Variants in IKBKE observed in about 807,000 individuals in gnomAD.
IKBKE encodes the protein inhibitor of nuclear factor kappa-B kinase subunit epsilon.
Under a neutral mutation model 92.1 loss-of-function variants are expected in IKBKE, and 45 were observed. The ratio of observed to expected loss-of-function variants is 0.49; its 90% CI spans 0.38 to 0.63. The LOEUF (loss-of-function observed/expected upper bound fraction) is 0.63, where lower values mean the gene tolerates loss of function less well. Ranked by LOEUF, IKBKE falls within the 20% of genes least tolerant of loss-of-function variation. The probability of loss-of-function intolerance (pLI) is 0.00; values close to 1 mark genes in which losing one functional copy is unlikely to be tolerated. For missense variants in IKBKE, 700 were observed against 932.8 expected (o/e 0.75, Z 3.25); for synonymous variants, 374 against 380.3 (o/e 0.98, Z 0.19).
rs145929084 is a variant in IKBKE at position 206,493,399 on chromosome 1, G to C, written c.2045+21G>C. ...CTCCAGTAAGTGCTGGGGAGAAAGC[G>C]GTTGTGTATCTGTGTGGAAGGGGGT... On this transcript the variant is annotated intron_variant, in intron 20 of 21. Coordinates refer to ENST00000581977, the MANE Select transcript of IKBKE (RefSeq NM_014002.4). The C allele has an allele frequency of 2.8e-4, 439 of 1,565,718 alleles. 4 individuals are homozygous for C. The East Asian group carries it at 6.7e-3, about 24-fold the overall frequency.
chr1:206,495,340 G>A (rs992079597), intron 21 of IKBKE, among the ~76,000 whole-genome samples: 2 of 152,166 alleles, frequency 1.3e-5, no homozygotes, highest in Admixed American at 6.5e-5. Context: ...TCTACCTCAT[G>A]GTGTTGACAT....
Position 206,476,951 on chromosome 1 carries a change from T to C in IKBKE, c.701+113T>C, listed in dbSNP as rs530996475. 203 of 1,155,948 alleles carry C rather than the reference T, an allele frequency of 1.8e-4. 3 individuals carry two copies. In the South Asian group the frequency reaches 2.8e-3, roughly 16 times the overall value. The allele number at this position is 1,155,948 out of a possible 1,614,324, so 71.6% of individuals were successfully genotyped here. A position where few individuals can be genotyped will look rare whatever the true frequency, so the allele number is the denominator to read the frequency against. On this transcript the variant is annotated intron_variant, in intron 7 of 21. Transcript: ENST00000581977. The surrounding 1 kb of genome is among the most constrained non-coding windows in gnomAD (Gnocchi z 5.1). The stretch of plus-strand genomic sequence containing the variant: ...CTCACACTCCATGGCCCTCCTCTGG[T>C]CCACCCCCCAACCCAGGCTCTTTGT...
chr1:206,491,875 A>T (rs1572266716), intron 18 of IKBKE, 126 bp downstream of exon 18: 1 of 675,346 alleles, frequency 1.5e-6, no homozygotes, highest in East Asian at 2.9e-5. Flanking sequence ...TGAGCAGAGG[A>T]GTGGTTTTCT....
At chr1:206,491,774 G>A (rs1553390478) in intron 18 of IKBKE, 25 bp downstream of exon 18, 1 of 1,569,876 alleles carries the variant, frequency 6.4e-7, no homozygotes, top group South Asian at 1.1e-5. Context: ...TGAGCTCCTG[G>A]AGCCCAGGGC....
At chr1:206,475,614 G>A (rs1180168468) in intron 5 of IKBKE, among the ~76,000 whole-genome samples, 1 of 152,044 alleles carries the variant, frequency 6.6e-6, no homozygotes, top group Admixed American at 6.6e-5. Context: ...GTGCATGCCT[G>A]TAGTTCCAGC....
intron 13 of IKBKE, among the ~76,000 whole-genome samples, chr1:206,483,968 T>A (rs1050235658): frequency 1.3e-5 from 2 of 152,172 alleles, no homozygotes; most frequent in Non-Finnish European, 2.9e-5. Flanking sequence ...TCTTTTCTTT[T>A]TTTTCAAGGC....
intron 13 of IKBKE, among the ~76,000 whole-genome samples, chr1:206,481,873 G>A (rs550907683): frequency 5.0e-5 from 7 of 141,084 alleles, no homozygotes; most frequent in East Asian, 2.2e-4. Context: ...TCCGCCTCCC[G>A]GGTTCACGCC....
rs2103451404 is a variant in IKBKE, at chr1:206,474,997, G to A, written c.358+3G>A. ...CCTGGTGGTGCTGCGCTGTGTGGGT[G>A]AGCCCCTCCCTGTCCCTGCCTCCAC... On this transcript the variant is annotated splice_donor_region_variant and intron_variant, in intron 5 of 21. Transcript: ENST00000581977. 1 of 1,613,788 alleles carries A rather than the reference G, an allele frequency of 6.2e-7. No homozygotes were observed. The highest frequency in any genetic ancestry group is 8.5e-7 in the Non-Finnish European group (1 of 1,179,982).
intron 18 of IKBKE, 103 bp from the exon 19 acceptor site, chr1:206,492,920 G>A (rs537371094): frequency 5.7e-5 from 57 of 1,001,980 alleles, no homozygotes; most frequent in African/African-American, 5.3e-4. Flanking sequence ...GCAAATACCC[G>A]GGACCCACCT....
rs948654942 is a variant in IKBKE, at chr1:206,479,230, G to T, written c.1183+97G>T. 50 of 1,056,286 alleles carry T rather than the reference G, an allele frequency of 4.7e-5. No homozygotes were observed. In the Middle Eastern group the frequency reaches 1.0e-3, roughly 22 times the overall value. 65.4% of individuals were successfully genotyped at this position (1,056,286 alleles called of 1,614,324 possible). A position where few individuals can be genotyped will look rare whatever the true frequency, so the allele number is the denominator to read the frequency against. ...GGCCATTGGTTACTTTTCTTTGTGGGTGTTTCTTTGGGGCCACAGGGAGCA... is the reference window on the plus strand; with the variant it reads ...GGCCATTGGTTACTTTTCTTTGTGGTTGTTTCTTTGGGGCCACAGGGAGCA... On this transcript the variant is annotated intron_variant, in intron 10 of 21. Transcript: ENST00000581977.
At position 206,476,388 on chromosome 1, in the gene IKBKE, G is replaced by A. The variant is rs1553385353; in HGVS notation, c.540+26G>A. 1 of 1,581,130 alleles carries A rather than the reference G, an allele frequency of 6.3e-7. No homozygotes were observed. The highest frequency in any genetic ancestry group is 1.3e-5 in the African/African-American group (1 of 74,708). On this transcript the variant is annotated intron_variant, in intron 6 of 21. Transcript: ENST00000581977. This position sits in a 1 kb window ranked among gnomAD's most constrained non-coding sequence, Gnocchi z 5.1. ...GTGGGTGAGCTGCTCGAGACCCGCT[G>A]CCCTATGCTGAGGGCTCCCCTTGCC...
intron 18 of IKBKE, 172 bp from the exon 19 acceptor site, chr1:206,492,851 T>G: frequency 1.4e-6 from 1 of 706,122 alleles, no homozygotes; most frequent in Non-Finnish European, 2.6e-6. Context: ...TTCTGCATTA[T>G]TGCAGTGGGG....
chr1:206,492,631 G>T (rs1553390780), intron 18 of IKBKE: 1 of 479,316 alleles, frequency 2.1e-6, no homozygotes. Flanking sequence ...TCCACTTAGA[G>T]ATAGAAGAGA....
rs368262940 is a variant in IKBKE at position 206,477,906 on chromosome 1, G to A, written c.812+47G>A. The A allele has an allele frequency of 7.1e-4, 910 of 1,289,946 alleles. 2 individuals carry two copies. Among genetic ancestry groups the A allele is most frequent in the Non-Finnish European group, 8.2e-4 (748 of 912,588 alleles). The allele number at this position is 1,289,946 out of a possible 1,614,324, so 79.9% of individuals were successfully genotyped here. ...GGTGATGCTGGAGTCTGAGCTGGGT[G>A]TCACTTCTCTCTGCTAAGTCAAGAC... On this transcript the variant is annotated intron_variant, in intron 8 of 21. Transcript: ENST00000581977.
In IKBKE at chr1:206,487,954, A is replaced by T. The variant is rs1665753272; in HGVS notation, c.1657A>T (p.Ile553Phe). Reference protein sequence around the residue: ...IQCCLDKMNFIYKQFKKSRMR... With the variant: ...IQCCLDKMNFFYKQFKKSRMR... ...GTGCTGTTTGGACAAGATGAACTTCATCTACAAACAGTTCAAGAAGTCTAG... is the reference window on the plus strand; with the variant it reads ...GTGCTGTTTGGACAAGATGAACTTCTTCTACAAACAGTTCAAGAAGTCTAG... Residue 553 changes from isoleucine (I) to phenylalanine (F), a missense_variant, in exon 16 of 22, where the codon ATC (isoleucine) becomes TTC (phenylalanine). By Grantham distance (21) the Ile-to-Phe change is conservative. Transcript: ENST00000581977. This position sits in a 1 kb window ranked among gnomAD's most constrained non-coding sequence, Gnocchi z 5.3. The T allele has an allele frequency of 1.9e-6, 3 of 1,613,870 alleles. No homozygotes were observed. Among genetic ancestry groups the T allele is most frequent in the Non-Finnish European group, 2.5e-6 (3 of 1,179,916 alleles).
chr1:206,486,194 C>G (rs1300356937), intron 15 of IKBKE, among the ~76,000 whole-genome samples: 1 of 152,278 alleles, frequency 6.6e-6, no homozygotes, highest in Non-Finnish European at 1.5e-5. Context: ...GGAGTTGATG[C>G]CCTGCTCGGG....
At chr1:206,472,494 A>C (rs1664828462) in intron 2 of IKBKE, among the ~76,000 whole-genome samples, 1 of 152,004 alleles carries the variant, frequency 6.6e-6, no homozygotes, top group African/African-American at 2.4e-5. Flanking sequence ...CCAATGGCTG[A>C]ATGATGAATT....
In IKBKE at chr1:206,485,118, G is replaced by A; in HGVS notation, c.1503+46G>A. 1.3e-6 allele frequency: 2 copies of A among 1,594,656 alleles called. No individual in the cohort carries two copies. The highest frequency in any genetic ancestry group is 1.7e-6 in the Non-Finnish European group (2 of 1,162,328). The stretch of plus-strand genomic sequence containing the variant: ...AGGGCTTAGCAGGATCAGAGCTGGG[G>A]GCCCGTGTTCCAGCCAGCCTGCCCA... On this transcript the variant is annotated intron_variant, in intron 14 of 21. Coordinates refer to ENST00000581977, the MANE Select transcript of IKBKE (RefSeq NM_014002.4). This position sits in a 1 kb window ranked among gnomAD's most constrained non-coding sequence, Gnocchi z 5.0.
In IKBKE at chr1:206,476,307, G is replaced by A. The variant is rs782109082; in HGVS notation, c.485G>A (p.Arg162Gln). The change falls in exon 6 of 22, where the codon CGG (arginine) becomes CAG (glutamine). Residue 162 changes from arginine to glutamine, a missense_variant. Physicochemically the swap from Arg to Gln is conservative, Grantham distance 43. Coordinates refer to ENST00000581977, the MANE Select transcript of IKBKE (RefSeq NM_014002.4). The surrounding 1 kb of genome is among the most constrained non-coding windows in gnomAD (Gnocchi z 5.1). ...IYKLTDFGAA[R>Q]ELDDDEKFVS... is the part of the protein sequence containing the mutation. ...AAGCTGACAGACTTCGGCGCTGCCCGGGAGCTGGATGATGATGAGAAGTTC... is the reference window on the plus strand; with the variant it reads ...AAGCTGACAGACTTCGGCGCTGCCCAGGAGCTGGATGATGATGAGAAGTTC... 2 of 1,614,000 alleles carry A rather than the reference G, an allele frequency of 1.2e-6. No homozygotes were observed. Among genetic ancestry groups the A allele is most frequent in the Non-Finnish European group, 1.7e-6 (2 of 1,179,920 alleles).
Sources: allele counts gnomAD v4.1 joint callset (sites outside exome capture counted in the v4.1 genomes callset), GRCh38; gene constraint gnomAD v4.1.1; non-coding constraint Gnocchi (gnomAD v3.1); transcripts MANE v1.5; gene names NCBI Gene and HGNC (gene_info 2026-07-23, HGNC 2026-07-21).